Variants in ATP6V0A1 observed in about 807,000 individuals in gnomAD.
ATP6V0A1 encodes the protein V-type proton ATPase 116 kDa subunit a 1.
ATP6V0A1 carries 43 observed loss-of-function variants against 105.4 expected under a neutral mutation model. The observed-to-expected ratio is 0.41, with a 90% confidence interval of 0.32 to 0.53. ATP6V0A1 has a LOEUF of 0.53. Among genes scored for constraint, ATP6V0A1 ranks in the 20% least tolerant of loss-of-function variants. ATP6V0A1 has a pLI of 0.30. For synonymous variants in ATP6V0A1, 362 were observed against 372.8 expected, an observed-to-expected ratio of 0.97 and a Z score of 0.33; for missense variants, 676 against 1,051.1, an observed-to-expected ratio of 0.64 and a Z score of 4.93.
intron 21 of ATP6V0A1, 150 bp downstream of exon 21, chr17:42,514,610 C>G: frequency 1.3e-6 from 1 of 791,694 alleles, no homozygotes; most frequent in Non-Finnish European, 1.8e-6. Flanking sequence ...CACCCCAGCA[C>G]CGGCATTGCC....
chr17:42,495,929 G>A (rs1476328381), intron 14 of ATP6V0A1: 28 of 438,870 alleles, frequency 6.4e-5, no homozygotes, highest in African/African-American at 2.0e-4. Context: ...AATATTAGCC[G>A]GGCGTGGTGG....
rs1328829998 is a variant in ATP6V0A1, at chr17:42,521,254, GA to G, written c.*135del. On this transcript the variant is annotated 3_prime_UTR_variant, in exon 22 of 22. Transcript: ENST00000343619. The surrounding 1 kb of genome is among the most constrained non-coding windows in gnomAD (Gnocchi z 4.8). ...TGTCACCCTGTCTGTGAGTCATTTAGATAGAATAGTCCTCCTTGGGTCTCCC... is the reference window on the plus strand; with the variant it reads ...TGTCACCCTGTCTGTGAGTCATTTAGTAGAATAGTCCTCCTTGGGTCTCCC... 4 of 735,684 alleles carry G rather than the reference GA, an allele frequency of 5.4e-6. No individual in the cohort carries two copies. Among genetic ancestry groups the G allele is most frequent in the Non-Finnish European group, 8.6e-6 (4 of 465,820 alleles). 45.6% of individuals were successfully genotyped at this position (735,684 alleles called of 1,614,324 possible).
chr17:42,488,154 T>C (rs2090291883), intron 10 of ATP6V0A1, among the ~76,000 whole-genome samples: 1 of 151,980 alleles, frequency 6.6e-6, no homozygotes, highest in Non-Finnish European at 1.5e-5. Flanking sequence ...AACTATGGAG[T>C]TGGAAAAAGC....
At chr17:42,503,093 C>T (rs150464762) in intron 17 of ATP6V0A1, among the ~76,000 whole-genome samples, 39 of 152,304 alleles carry the variant, frequency 2.6e-4, no homozygotes, top group Non-Finnish European at 4.7e-4. Context: ...AATGTAAGTA[C>T]AGGCATGTCC....
At chr17:42,474,418 A>G (rs2088448720) in intron 5 of ATP6V0A1, among the ~76,000 whole-genome samples, 1 of 151,208 alleles carries the variant, frequency 6.6e-6, no homozygotes, top group African/African-American at 2.4e-5. Flanking sequence ...TTCCCCTTCC[A>G]TTCCCAGCAG....
In ATP6V0A1 at chr17:42,514,389, C is replaced by T; in HGVS notation, c.2349C>T (p.Ala783=). The change falls in exon 21 of 22, where the codon GCC becomes GCT. Residue 783 remains alanine, a synonymous_variant. Coordinates refer to ENST00000343619, the MANE Select transcript of ATP6V0A1 (RefSeq NM_001130021.3). Reference sequence around the variant, plus strand: ...TGTTCTTCTTCTTCACTGCCTTTGCCACCCTGACCGTGGCCATCCTCCTGA... The same window carrying T: ...TGTTCTTCTTCTTCACTGCCTTTGCTACCCTGACCGTGGCCATCCTCCTGA... ...LVLFFFFTAF[A]TLTVAILLIM... is the part of the protein sequence containing the mutation. The T allele has an allele frequency of 6.2e-7, 1 of 1,613,886 alleles. No homozygotes were observed. The highest frequency in any genetic ancestry group is 8.5e-7 in the Non-Finnish European group (1 of 1,179,862).
chr17:42,475,480 C>T (rs1261299583), intron 5 of ATP6V0A1, among the ~76,000 whole-genome samples: 1 of 152,310 alleles, frequency 6.6e-6, no homozygotes, highest in Admixed American at 6.5e-5. Flanking sequence ...TGTGGCCCAA[C>T]ACAAATTCGT....
intron 21 of ATP6V0A1, chr17:42,520,469 G>C (rs1438396148): frequency 2.2e-6 from 1 of 456,576 alleles, no homozygotes; most frequent in Non-Finnish European, 4.4e-6. Flanking sequence ...AGATGTTTTT[G>C]TGGTTGGAGA....
chr17:42,460,044 G>A (rs143535895), intron 1 of ATP6V0A1: 53 of 152,296 alleles, frequency 3.5e-4, no homozygotes, highest in African/African-American at 1.2e-3. Context: ...GCAACAGTAA[G>A]ACAGCACTAA....
In ATP6V0A1 at chr17:42,522,265, C is replaced by T. The variant is rs947240234; in HGVS notation, c.*1145C>T. ...CAGCCCTGGCTAAGTTAATCCCCACCGCTTTCAGTGGTAGAAAGAATTCCC... is the reference window on the plus strand; with the variant it reads ...CAGCCCTGGCTAAGTTAATCCCCACTGCTTTCAGTGGTAGAAAGAATTCCC... On this transcript the variant is annotated 3_prime_UTR_variant, in exon 22 of 22. Transcript: ENST00000343619. The T allele has an allele frequency of 7.2e-5, 11 of 152,512 alleles. No individual in the cohort carries two copies. The highest frequency in any genetic ancestry group is 1.4e-4 in the African/African-American group (6 of 41,462). The allele number at this position is 152,512 out of a possible 1,614,324, so 9.4% of individuals were successfully genotyped here.
rs2091083296 is a variant in ATP6V0A1, at chr17:42,495,614, C to T, written c.1470-12C>T. The T allele has an allele frequency of 3.8e-6, 6 of 1,597,666 alleles. No homozygotes were observed. Among genetic ancestry groups the T allele is most frequent in the Non-Finnish European group, 5.1e-6 (6 of 1,166,048 alleles). ...GTTCAAAAATAATGTGACTTTTTCC[C>T]TGTCATGGTAGTGAAGAGACGCTTC... is the stretch of plus-strand genomic sequence containing the variant. On this transcript the variant is annotated splice_polypyrimidine_tract_variant and intron_variant, in intron 13 of 21. Coordinates refer to ENST00000343619, the MANE Select transcript of ATP6V0A1 (RefSeq NM_001130021.3).
chr17:42,520,434 G>A (rs1165679060), intron 21 of ATP6V0A1: 1 of 456,418 alleles, frequency 2.2e-6, no homozygotes, highest in Non-Finnish European at 4.4e-6. Context: ...TTTCTTTTTA[G>A]TCCCCAAGAG....
intron 18 of ATP6V0A1, 42 bp from the exon 19 acceptor site, chr17:42,508,530 T>G (rs376486475): frequency 3.1e-6 from 5 of 1,613,526 alleles, no homozygotes; most frequent in Non-Finnish European, 4.2e-6. Context: ...TGACCTTGTG[T>G]GTGGCGTGGC....
chr17:42,479,753 T>G (rs1037820646), intron 7 of ATP6V0A1, among the ~76,000 whole-genome samples: 5 of 152,220 alleles, frequency 3.3e-5, no homozygotes, highest in African/African-American at 4.8e-5. Flanking sequence ...TTTCACAATC[T>G]TGCCAAAGGC....
intron 17 of ATP6V0A1, among the ~76,000 whole-genome samples, chr17:42,504,466 A>G (rs2091891176): frequency 6.6e-6 from 1 of 152,024 alleles, no homozygotes; most frequent in Non-Finnish European, 1.5e-5. Flanking sequence ...TTGAACCTTG[A>G]AGCCTTCCTC....
chr17:42,460,797 C>T (rs2086315498), intron 1 of ATP6V0A1, 51 bp from the exon 2 acceptor site: 1 of 967,536 alleles, frequency 1.0e-6, no homozygotes, highest in Admixed American at 1.8e-5. Context: ...GTCATTTGCT[C>T]TTAGCCCTCG....
chr17:42,504,612 A>G (rs2091900584), intron 17 of ATP6V0A1, among the ~76,000 whole-genome samples: 1 of 152,180 alleles, frequency 6.6e-6, no homozygotes, highest in South Asian at 2.1e-4. Context: ...GGTGGCCCAC[A>G]AGTCTGACTG....
chr17:42,515,967 A>G (rs1338550438), intron 21 of ATP6V0A1, among the ~76,000 whole-genome samples: 1 of 151,632 alleles, frequency 6.6e-6, no homozygotes, highest in African/African-American at 2.4e-5. Flanking sequence ...TTATGTTGTG[A>G]TTCTCTTTTT....
intron 4 of ATP6V0A1, among the ~76,000 whole-genome samples, chr17:42,468,336 T>C (rs2087389444): frequency 6.6e-6 from 1 of 152,216 alleles, no homozygotes; most frequent in Non-Finnish European, 1.5e-5. Context: ...TCAGGGTATT[T>C]GGAGTATCCA....
Sources: gnomAD v4.1 joint callset for allele counts (sites outside exome capture counted in the v4.1 genomes callset) on GRCh38, gnomAD v4.1.1 for gene constraint, Gnocchi (gnomAD v3.1) non-coding constraint, MANE v1.5 for transcripts, NCBI Gene and HGNC (gene_info 2026-07-23, HGNC 2026-07-21) for gene names.